Variants in ST18 observed in about 807,000 individuals in gnomAD.
ST18 encodes suppression of tumorigenicity 18 protein.
Under a neutral mutation model 110.0 loss-of-function variants are expected in ST18, and 50 were observed. The ratio of observed to expected loss-of-function variants is 0.45; its 90% CI spans 0.36 to 0.58. ST18 has a LOEUF of 0.58. Among genes scored for constraint, ST18 ranks in the 20% least tolerant of loss-of-function variants. The pLI, the probability that ST18 is intolerant of heterozygous loss-of-function variation, is 0.00. For missense variants in ST18, 1,306 were observed against 1,280.1 expected (o/e 1.02, Z -0.31); for synonymous variants, 461 against 452.4 (o/e 1.02, Z -0.24).
chr8:52,384,138 G>A (rs1357207445), intron 2 of ST18, among the ~76,000 whole-genome samples: 8 of 152,154 alleles, frequency 5.3e-5, no homozygotes, highest in African/African-American at 1.2e-4. Flanking sequence ...AAACATAAAT[G>A]GGAGAGTAAT....
At chr8:52,333,742 G>A (rs1810718186) in intron 2 of ST18, among the ~76,000 whole-genome samples, 3 of 152,298 alleles carry the variant, frequency 2.0e-5, no homozygotes, top group African/African-American at 7.2e-5. Context: ...AAAAACTATT[G>A]TGTACAATAT....
chr8:52,315,955 A>T, intron 2 of ST18, among the ~76,000 whole-genome samples: 1 of 152,334 alleles, frequency 6.6e-6, no homozygotes, highest in Non-Finnish European at 1.5e-5. Context: ...CATAATCACT[A>T]TGAGAAGTCT....
At position 52,111,836 on chromosome 8, in the gene ST18, CT is replaced by C. The variant is rs1318549932; in HGVS notation, c.*1361del. The C allele has an allele frequency of 6.6e-5, 10 of 152,524 alleles. No homozygotes were observed. The highest frequency in any genetic ancestry group is 4.6e-4 in the Admixed American group (7 of 15,270). The allele number at this position is 152,524 out of a possible 1,614,324, so 9.4% of individuals were successfully genotyped here. The stretch of plus-strand genomic sequence containing the variant: ...ATATAAAAAAACTTTTGAAACAATG[CT>C]TAACTACTTTACAATCCCTGAAATA... On this transcript the variant is annotated 3_prime_UTR_variant, in exon 26 of 26. Transcript: ENST00000689386.
intron 2 of ST18, chr8:52,406,923 A>G (rs879849167): frequency 1.3e-5 from 2 of 152,234 alleles, no homozygotes; most frequent in Non-Finnish European, 2.9e-5. Context: ...TAATGGCATA[A>G]GAGGGACACT....
At chr8:52,184,320 C>A (rs1457622249) in intron 8 of ST18, among the ~76,000 whole-genome samples, 1 of 152,190 alleles carries the variant, frequency 6.6e-6, no homozygotes, top group South Asian at 2.1e-4. Flanking sequence ...CAGCGTCCCC[C>A]AGGAAACTTT....
At chr8:52,152,272 C>A (rs2059009216) in intron 15 of ST18, among the ~76,000 whole-genome samples, 1 of 152,120 alleles carries the variant, frequency 6.6e-6, no homozygotes, top group Non-Finnish European at 1.5e-5. Context: ...ACGTTTACAG[C>A]ATGGGCTTTT....
chr8:52,156,303 T>A (rs550969300), intron 15 of ST18, among the ~76,000 whole-genome samples: 4 of 152,224 alleles, frequency 2.6e-5, no homozygotes, highest in African/African-American at 9.6e-5. Flanking sequence ...CTTGCTAATA[T>A]ACCAAAAGTG....
chr8:52,234,728 G>GGTGTGTGT (rs3054614), intron 2 of ST18, among the ~76,000 whole-genome samples: 15,320 of 145,570 alleles, frequency 0.11, 870 homozygotes, highest in Middle Eastern at 0.19. Flanking sequence ...AAGAAACTAT[G>GGTGTGTGT]GTGTGTGTGT....
At chr8:52,184,858 G>A (rs2071376253) in intron 8 of ST18, among the ~76,000 whole-genome samples, 2 of 152,120 alleles carry the variant, frequency 1.3e-5, no homozygotes. Flanking sequence ...AATTTTCATG[G>A]AAAATTCATA....
intron 2 of ST18, among the ~76,000 whole-genome samples, chr8:52,349,423 T>C (rs976740839): frequency 6.6e-6 from 1 of 152,220 alleles, no homozygotes; most frequent in African/African-American, 2.4e-5. Flanking sequence ...AATGTATTAC[T>C]CTGACGTTCT....
intron 18 of ST18, among the ~76,000 whole-genome samples, 199 bp downstream of exon 18, chr8:52,137,222 C>T (rs1394066214): frequency 2.0e-5 from 3 of 152,160 alleles, no homozygotes; most frequent in African/African-American, 7.2e-5. Flanking sequence ...ATAACCTGGA[C>T]TACAGGATCA....
chr8:52,147,161 C>A (rs2057524662), intron 16 of ST18, among the ~76,000 whole-genome samples: 1 of 152,076 alleles, frequency 6.6e-6, no homozygotes, highest in Admixed American at 6.6e-5. Context: ...GAGCATCAAT[C>A]CACTCTAAAG....
intron 19 of ST18, among the ~76,000 whole-genome samples, chr8:52,135,999 C>CTTTA (rs1451600961): frequency 6.6e-6 from 1 of 151,966 alleles, no homozygotes; most frequent in African/African-American, 2.4e-5. Flanking sequence ...AAAAGGTAGA[C>CTTTA]TATAAATGTT....
At chr8:52,215,294 T>G (rs1157350094) in intron 6 of ST18, among the ~76,000 whole-genome samples, 1 of 152,128 alleles carries the variant, frequency 6.6e-6, no homozygotes, top group Non-Finnish European at 1.5e-5. Context: ...TTAATAAACC[T>G]TTTATGTGCC....
chr8:52,241,240 C>A (rs2093370266), intron 2 of ST18, among the ~76,000 whole-genome samples: 1 of 152,184 alleles, frequency 6.6e-6, no homozygotes, highest in Non-Finnish European at 1.5e-5. Context: ...GTTGCTGGAA[C>A]CTGGTCAATG....
intron 3 of ST18, among the ~76,000 whole-genome samples, chr8:52,229,330 G>A (rs1222263812): frequency 1.3e-5 from 2 of 152,192 alleles, no homozygotes; most frequent in Non-Finnish European, 1.5e-5. Flanking sequence ...ACCAAGTTAA[G>A]CTACATTCCA....
At chr8:52,205,608 A>C (rs1392004430) in intron 8 of ST18, among the ~76,000 whole-genome samples, 1 of 152,168 alleles carries the variant, frequency 6.6e-6, no homozygotes, top group African/African-American at 2.4e-5. Context: ...TCTGTTGCCC[A>C]GGCTGCTGGA....
chr8:52,116,379 C>T lies in ST18; in HGVS notation c.2899G>A (p.Glu967Lys). Residue 967 changes from glutamate to lysine, a missense_variant, in exon 25 of 26, where the codon GAG (glutamate) becomes AAG (lysine). Glu to Lys is a moderately conservative substitution (Grantham distance 56). Coordinates refer to ENST00000689386, the MANE Select transcript of ST18 (RefSeq NM_001352837.2). ...MESNLKTIEE[E>K]NKLIEQNNES... ...TTGTTCTGTTCTATGAGTTTGTTCT[C>T]CTCCTCTATCGTCTTTAAGTTGCTC... 1 of 1,613,888 alleles carries T rather than the reference C, an allele frequency of 6.2e-7. No individual in the cohort carries two copies. The highest frequency in any genetic ancestry group is 1.3e-5 in the African/African-American group (1 of 75,028).
chr8:52,376,926 C>A (rs140381402), intron 2 of ST18, among the ~76,000 whole-genome samples: 2 of 152,172 alleles, frequency 1.3e-5, no homozygotes, highest in Non-Finnish European at 2.9e-5. Flanking sequence ...TTATTAAGTA[C>A]TTAAAATGCA....
Sources: gnomAD v4.1 joint callset for allele counts (sites outside exome capture counted in the v4.1 genomes callset) on GRCh38, gnomAD v4.1.1 for gene constraint, MANE v1.5 for transcripts, NCBI Gene and HGNC (gene_info 2026-07-23, HGNC 2026-07-21) for gene names.